The following NINJ2 variants were observed in gnomAD, a reference collection of about 807,000 sequenced individuals.
The protein encoded by NINJ2 is ninjurin 2, also known as ninjurin-2.
A neutral mutation model predicts 11.7 loss-of-function variants in NINJ2; 12 were observed. The observed-to-expected ratio is 1.02, with a 90% confidence interval of 0.66 to 1.66. The LOEUF (loss-of-function observed/expected upper bound fraction) is 1.66, where lower values mean the gene tolerates loss of function less well. Among genes scored for constraint, NINJ2 ranks in the 40% most tolerant of loss-of-function variants. The probability of loss-of-function intolerance (pLI) is 0.00; values close to 1 mark genes in which losing one functional copy is unlikely to be tolerated. For synonymous variants in NINJ2, 93 were observed against 76.8 expected, an observed-to-expected ratio of 1.21 and a Z score of -1.10; for missense variants, 187 against 181.8, an observed-to-expected ratio of 1.03 and a Z score of -0.16.
At chr12:602,171 C>T (rs1947882472) in intron 1 of NINJ2, among the ~76,000 whole-genome samples, 1 of 152,238 alleles carries the variant, frequency 6.6e-6, no homozygotes, top group East Asian at 1.9e-4. Flanking sequence ...ATAATCCACA[C>T]ACCACACAAT....
chr12:576,626 C>T (rs375237614), intron 1 of NINJ2, among the ~76,000 whole-genome samples: 5 of 152,300 alleles, frequency 3.3e-5, no homozygotes, highest in South Asian at 2.1e-4. Context: ...CCCAAAGTGC[C>T]GGGGCTGCAG....
At chr12:599,648 G>A (rs1947839531) in intron 1 of NINJ2, among the ~76,000 whole-genome samples, 3 of 152,184 alleles carry the variant, frequency 2.0e-5, no homozygotes, top group Admixed American at 1.3e-4. Context: ...CATGTTCGTG[G>A]CTTCATTGGA....
chr12:583,986 T>C (rs1438225949), intron 1 of NINJ2, among the ~76,000 whole-genome samples: 1 of 152,200 alleles, frequency 6.6e-6, no homozygotes, highest in African/African-American at 2.4e-5. Context: ...CTTGAGGCGA[T>C]AGGATATCAG....
Position 581,629 on chromosome 12 carries a change from G to A in NINJ2, c.34-15451C>T, listed in dbSNP as rs546909094. On this transcript the variant is annotated intron_variant, in intron 1 of 3. Transcript: ENST00000305108. The surrounding 1 kb of genome is among the most constrained non-coding windows in gnomAD (Gnocchi z 4.9). Reference sequence around the variant, plus strand: ...GAACCTGAGCAGCAGCTCTGTGAAGGGGGCCAGGGTCTGCTCTGGGGAGAA... The same window carrying A: ...GAACCTGAGCAGCAGCTCTGTGAAGAGGGCCAGGGTCTGCTCTGGGGAGAA... 1.3e-5 allele frequency among the ~76,000 whole-genome samples: 2 copies of A among 152,256 alleles called. No individual in the cohort carries two copies. Among genetic ancestry groups the A allele is most frequent in the South Asian group, 4.1e-4 (2 of 4,820 alleles).
intron 1 of NINJ2, among the ~76,000 whole-genome samples, chr12:629,548 G>A (rs765581207): frequency 3.9e-5 from 6 of 152,136 alleles, no homozygotes; most frequent in Non-Finnish European, 7.3e-5. Context: ...AGCCCAGGAC[G>A]GCTTTGAACG....
intron 1 of NINJ2, among the ~76,000 whole-genome samples, chr12:592,744 A>G (rs1947733978): frequency 6.6e-6 from 1 of 152,222 alleles, no homozygotes; most frequent in Admixed American, 6.5e-5. Context: ...GGTTAGTTGT[A>G]AGAAGCAGAA....
intron 1 of NINJ2, among the ~76,000 whole-genome samples, chr12:637,432 G>A (rs187682653): frequency 6.6e-6 from 1 of 151,648 alleles, no homozygotes; most frequent in Non-Finnish European, 1.5e-5. Flanking sequence ...ACGAGGTCAG[G>A]AGTTCACAAC....
At chr12:593,797 G>T (rs539911652) in intron 1 of NINJ2, among the ~76,000 whole-genome samples, 1 of 151,862 alleles carries the variant, frequency 6.6e-6, no homozygotes, top group East Asian at 1.9e-4. Flanking sequence ...AAGAATAAGA[G>T]GAAGAAAGAA....
chr12:607,497 C>T (rs115921033), intron 1 of NINJ2, among the ~76,000 whole-genome samples: 2,379 of 152,190 alleles, frequency 0.016, 69 homozygotes, highest in African/African-American at 0.054. Flanking sequence ...AGACAGAAAG[C>T]GCAATATCCC....
chr12:624,468 G>A (rs751126730), intron 1 of NINJ2, among the ~76,000 whole-genome samples: 1 of 152,136 alleles, frequency 6.6e-6, no homozygotes, highest in Admixed American at 6.6e-5. Context: ...GGAGCTTGCC[G>A]TCTAGTAGAG....
intron 1 of NINJ2, among the ~76,000 whole-genome samples, chr12:586,902 G>C (rs900394496): frequency 3.9e-4 from 60 of 152,150 alleles, no homozygotes; most frequent in Admixed American, 1.6e-3. Context: ...GCCATTCACT[G>C]GGCTCTGGTA....
intron 1 of NINJ2, chr12:644,991 A>T (rs1937653218): frequency 6.6e-6 from 1 of 152,172 alleles, no homozygotes. Flanking sequence ...CTGGAGGCCC[A>T]GTGGCTAGAG....
intron 1 of NINJ2, among the ~76,000 whole-genome samples, chr12:634,304 G>T (rs1326614832): frequency 1.1e-5 from 1 of 94,784 alleles, no homozygotes; most frequent in South Asian, 4.5e-4. Context: ...CTGTCTCCCG[G>T]GCTGGAGTAC....
chr12:615,613 C>A (rs567825800), intron 1 of NINJ2, among the ~76,000 whole-genome samples: 2 of 152,126 alleles, frequency 1.3e-5, no homozygotes, highest in African/African-American at 2.4e-5. Flanking sequence ...CTCTGCTCAC[C>A]CTTCAAAGCC....
At chr12:584,585 C>T (rs1947606492) in intron 1 of NINJ2, among the ~76,000 whole-genome samples, 1 of 152,032 alleles carries the variant, frequency 6.6e-6, no homozygotes, top group Non-Finnish European at 1.5e-5. Context: ...GCAGGTGGAT[C>T]ATCTGAGATG....
chr12:627,480 TGGA>T (rs1948222543), intron 1 of NINJ2, among the ~76,000 whole-genome samples: 1 of 152,148 alleles, frequency 6.6e-6, no homozygotes. Flanking sequence ...GAAGGCTTCA[TGGA>T]GGAGGTGAGA....
intron 1 of NINJ2, among the ~76,000 whole-genome samples, chr12:619,473 G>A (rs975969968): frequency 6.6e-6 from 1 of 152,150 alleles, no homozygotes; most frequent in Non-Finnish European, 1.5e-5. Flanking sequence ...TGAGGAGAGA[G>A]GTGGGAATGA....
intron 1 of NINJ2, among the ~76,000 whole-genome samples, chr12:571,012 CCTCT>C (rs1947368089): frequency 6.6e-6 from 1 of 152,186 alleles, no homozygotes; most frequent in South Asian, 2.1e-4. Context: ...GGCTGAGATC[CCTCT>C]CTCAATGAGG....
chr12:636,743 G>A lies in NINJ2; in HGVS notation c.33+26585C>T, dbSNP rs186296994. Among the ~76,000 whole-genome samples the A allele has an allele frequency of 3.3e-4, 51 of 152,322 alleles. No homozygotes were observed. In the Middle Eastern group the frequency reaches 0.014, roughly 41 times the overall value. ...TGAAAGAAGAAAGAAAAAAAAGCAA[G>A]TTTTGGTAAGGATACAGAGAAACTG... is the stretch of plus-strand genomic sequence containing the variant. On this transcript the variant is annotated intron_variant, in intron 1 of 3. Coordinates refer to ENST00000305108, the MANE Select transcript of NINJ2 (RefSeq NM_016533.6).
Sources: gnomAD v4.1 joint callset for allele counts (sites outside exome capture counted in the v4.1 genomes callset) on GRCh38, gnomAD v4.1.1 for gene constraint, Gnocchi (gnomAD v3.1) non-coding constraint, MANE v1.5 for transcripts, NCBI Gene and HGNC (gene_info 2026-07-23, HGNC 2026-07-21) for gene names.